Variants in VPS39 observed in about 807,000 individuals in gnomAD.
VPS39 encodes VPS39 subunit of HOPS complex.
A neutral mutation model predicts 121.0 loss-of-function variants in VPS39; 70 were observed. That is an observed-to-expected ratio of 0.58 (90% CI 0.48 to 0.71). VPS39 has a LOEUF of 0.71. VPS39 is among the 30% of genes least tolerant of loss of function. The pLI is 0.00. For missense variants in VPS39, 818 were observed against 1,051.5 expected (o/e 0.78, Z 3.07); for synonymous variants, 378 against 398.1 (o/e 0.95, Z 0.60).
At chr15:42,175,232 AC>A (rs2049426631) in intron 10 of VPS39, among the ~76,000 whole-genome samples, 1 of 151,258 alleles carries the variant, frequency 6.6e-6, no homozygotes, top group African/African-American at 2.4e-5. Flanking sequence ...ACATGGTGAA[AC>A]CCCGTCTCTA....
Position 42,160,849 on chromosome 15 carries a change from T to A in VPS39, c.2553-20A>T. ...AATGCACTGCAGGGAAGAAAATGGC[T>A]TGGGAGTGAGGACTGCTTCTAAGTG... On this transcript the variant is annotated intron_variant, in intron 24 of 24. Transcript: ENST00000318006. 6.2e-7 allele frequency: 1 copy of A among 1,613,826 alleles called. No homozygotes were observed. Among genetic ancestry groups the A allele is most frequent in the Non-Finnish European group, 8.5e-7 (1 of 1,179,760 alleles).
chr15:42,163,816 C>A, intron 19 of VPS39, 88 bp from the exon 20 acceptor site: 1 of 852,840 alleles, frequency 1.2e-6, no homozygotes, highest in South Asian at 1.8e-5. Flanking sequence ...GGACACGAGG[C>A]AATATAAAGG....
Position 42,187,325 on chromosome 15 carries a change from C to A in VPS39, c.480G>T (p.Ala160=), listed in dbSNP as rs149434119. The change falls in exon 7 of 25, where the codon GCG becomes GCT. Residue 160 remains alanine (A), a synonymous_variant. Coordinates refer to ENST00000318006, the MANE Select transcript of VPS39 (RefSeq NM_015289.5). ...CCACACAGATAGAATTTTCACACCA[C>A]GCCATGGACTTGGGCACATCTGGCA... ...FSVPDVPKSM[A]WCENSICVGF... is the part of the protein sequence containing the mutation. 6.8e-6 allele frequency: 11 copies of A among 1,613,742 alleles called. No individual in the cohort carries two copies. Among genetic ancestry groups the A allele is most frequent in the Non-Finnish European group, 8.5e-6 (10 of 1,179,944 alleles).
chr15:42,198,984 C>T (rs1211491419), intron 2 of VPS39, among the ~76,000 whole-genome samples: 2 of 152,176 alleles, frequency 1.3e-5, no homozygotes, highest in African/African-American at 4.8e-5. Flanking sequence ...TCTTCTCTTT[C>T]CCGAGTGCAC....
chr15:42,204,002 C>T (rs1228437455), intron 1 of VPS39, among the ~76,000 whole-genome samples: 1 of 152,252 alleles, frequency 6.6e-6, no homozygotes, highest in South Asian at 2.1e-4. Flanking sequence ...CGGCCTAACC[C>T]TGAGCCACAA....
rs663454 is a variant in VPS39 at position 42,166,149 on chromosome 15, T to C, written c.1680+10A>G. 0.1 allele frequency: 163,946 copies of C among 1,612,836 alleles called. 10,666 individuals carry two copies. The highest frequency in any genetic ancestry group is 0.23 in the South Asian group (21,366 of 91,032). On this transcript the variant is annotated intron_variant, in intron 16 of 24. Transcript: ENST00000318006. ...TTACCAGATAAATCCAAGGGACTCC[T>C]GTGGCTCACCTTCAGGCCATCTTCT...
At chr15:42,191,968 T>A (rs2049836945) in intron 2 of VPS39, 2 of 1,413,306 alleles carry the variant, frequency 1.4e-6, no homozygotes, top group African/African-American at 2.8e-5. Context: ...ACCAACTAAT[T>A]TCCAGCAACT....
intron 6 of VPS39, 78 bp from the exon 7 acceptor site, chr15:42,187,441 T>A (rs771764492): frequency 8.2e-6 from 11 of 1,338,350 alleles, no homozygotes; most frequent in Non-Finnish European, 1.1e-5. Flanking sequence ...TTCTGCAACC[T>A]CCATTCTGCA....
At chr15:42,204,406 T>C (rs1334177772) in intron 1 of VPS39, among the ~76,000 whole-genome samples, 5 of 152,200 alleles carry the variant, frequency 3.3e-5, no homozygotes, top group African/African-American at 7.2e-5. Flanking sequence ...TCCCAGCACT[T>C]TGGGAGGCCG....
chr15:42,199,903 C>T lies in VPS39; in HGVS notation c.132G>A (p.Lys44=), dbSNP rs766176456. The T allele has an allele frequency of 8.8e-6, 14 of 1,592,004 alleles. No individual in the cohort carries two copies. The highest frequency in any genetic ancestry group is 1.1e-5 in the Non-Finnish European group (13 of 1,173,098). ...TGAGCAATGTGCACTTACCAACGTC[C>T]TTCCGAATCCTATAGAGAAGAAGAT... ...QGHLLLYRIR[K]DVGCNRFEVT... Residue 44 remains lysine (K), a synonymous_variant, in exon 2 of 25, where the codon AAG becomes AAA. Transcript: ENST00000318006.
At chr15:42,165,958 G>T in intron 16 of VPS39, 142 bp from the exon 17 acceptor site, 1 of 929,618 alleles carries the variant, frequency 1.1e-6, no homozygotes, top group Admixed American at 2.2e-5. Flanking sequence ...CAGCATGTCA[G>T]ACGAGGCACA....
chr15:42,207,069 AAAATTCTTCGTG>A (rs2050189149), intron 1 of VPS39, among the ~76,000 whole-genome samples: 1 of 152,212 alleles, frequency 6.6e-6, no homozygotes, highest in Non-Finnish European at 1.5e-5. Flanking sequence ...CATTAACATG[AAAATTCTTCGTG>A]AAAGAACCCT....
chr15:42,164,227 G>C (rs1342999306), intron 19 of VPS39, 131 bp downstream of exon 19: 2 of 1,353,924 alleles, frequency 1.5e-6, no homozygotes, highest in East Asian at 4.6e-5. Context: ...GACAAAACAG[G>C]AGCACTGGCC....
intron 8 of VPS39, among the ~76,000 whole-genome samples, chr15:42,179,474 G>A (rs1443632200): frequency 6.6e-6 from 1 of 151,342 alleles, no homozygotes; most frequent in Admixed American, 6.6e-5. Flanking sequence ...CTACTCGGGA[G>A]GCTGAGGCAG....
intron 24 of VPS39, chr15:42,161,057 A>AT (rs1407672897): frequency 1.3e-5 from 7 of 529,594 alleles, no homozygotes; most frequent in East Asian, 9.3e-5. Context: ...TGCATGGGGT[A>AT]TTTTTTTATT....
chr15:42,208,208 C>A lies in VPS39; in HGVS notation c.-55G>T. 5.8e-6 allele frequency: 9 copies of A among 1,550,454 alleles called. No individual in the cohort carries two copies. Among genetic ancestry groups the A allele is most frequent in the Non-Finnish European group, 7.0e-6 (8 of 1,146,356 alleles). On this transcript the variant is annotated 5_prime_UTR_variant, in exon 1 of 25. Transcript: ENST00000318006. Reference sequence around the variant, plus strand: ...CTCGCCCAGAGTGTTCCGGGCCGGGCTGGGGTCCGGAACGAGTCTGGGCTA... The same window carrying A: ...CTCGCCCAGAGTGTTCCGGGCCGGGATGGGGTCCGGAACGAGTCTGGGCTA...
chr15:42,186,542 G>GATTTAGATTATT (rs1156675954), intron 7 of VPS39, among the ~76,000 whole-genome samples: 1 of 152,210 alleles, frequency 6.6e-6, no homozygotes, highest in Non-Finnish European at 1.5e-5. Context: ...GAAGCTAAGA[G>GATTTAGATTATT]ATTTAGATTA....
intron 11 of VPS39, among the ~76,000 whole-genome samples, chr15:42,172,997 G>A (rs2049376727): frequency 6.6e-6 from 1 of 152,182 alleles, no homozygotes; most frequent in Admixed American, 6.5e-5. Flanking sequence ...ATGCTAGTAT[G>A]ATATAGAGTC....
chr15:42,193,990 G>A (rs1417525958), intron 2 of VPS39, among the ~76,000 whole-genome samples: 2 of 152,046 alleles, frequency 1.3e-5, no homozygotes, highest in Non-Finnish European at 2.9e-5. Context: ...TTTTTCCCTT[G>A]AGACAGCTAT....
Sources: allele counts gnomAD v4.1 joint callset (sites outside exome capture counted in the v4.1 genomes callset), GRCh38; gene constraint gnomAD v4.1.1; transcripts MANE v1.5; gene names NCBI Gene and HGNC (gene_info 2026-07-23, HGNC 2026-07-21).